Variants in GALNT10 observed in about 807,000 individuals in gnomAD.
The protein encoded by GALNT10 is polypeptide N-acetylgalactosaminyltransferase 10.
A neutral mutation model predicts 75.0 loss-of-function variants in GALNT10; 41 were observed. The observed-to-expected ratio is 0.55, with a 90% CI of 0.43 to 0.71. The LOEUF is 0.71. GALNT10 is among the 30% of genes least tolerant of loss of function. The pLI, the probability that GALNT10 is intolerant of heterozygous loss-of-function variation, is 0.00. For synonymous variants in GALNT10, 302 were observed against 313.0 expected, an observed-to-expected ratio of 0.96 and a Z score of 0.37; for missense variants, 727 against 818.5, an observed-to-expected ratio of 0.89 and a Z score of 1.36.
At chr5:154,285,066 G>A (rs1452286802) in intron 1 of GALNT10, among the ~76,000 whole-genome samples, 1 of 152,160 alleles carries the variant, frequency 6.6e-6, no homozygotes, top group African/African-American at 2.4e-5. Flanking sequence ...TCCAGTGTGG[G>A]CAGTTTTAAA....
rs1277169217 is a variant in GALNT10 at position 154,376,480 on chromosome 5, A to G, written c.754+18A>G. On this transcript the variant is annotated intron_variant, in intron 5 of 11. Coordinates refer to ENST00000297107, the MANE Select transcript of GALNT10 (RefSeq NM_198321.4). This position sits in a 1 kb window ranked among gnomAD's most constrained non-coding sequence, Gnocchi z 4.1. ...CTTGCTTGGTAAGGGAGCCCCTCCC[A>G]CTTGGAGGGAGGCAAACTGCAATGA... is the stretch of plus-strand genomic sequence containing the variant. The G allele has an allele frequency of 6.5e-7, 1 of 1,548,162 alleles. No individual in the cohort carries two copies. Among genetic ancestry groups the G allele is most frequent in the Non-Finnish European group, 8.7e-7 (1 of 1,150,652 alleles).
intron 4 of GALNT10, among the ~76,000 whole-genome samples, chr5:154,370,069 C>T (rs990258534): frequency 5.9e-5 from 9 of 152,234 alleles, no homozygotes; most frequent in South Asian, 4.1e-4. Context: ...GATTCCTGAA[C>T]GAAGCAAACT....
chr5:154,252,191 A>G (rs973710140), intron 1 of GALNT10, among the ~76,000 whole-genome samples: 1 of 152,076 alleles, frequency 6.6e-6, no homozygotes, highest in African/African-American at 2.4e-5. Context: ...CATTGTTTCT[A>G]TAGTTGTCCT....
intron 1 of GALNT10, among the ~76,000 whole-genome samples, chr5:154,280,590 T>C (rs1754025614): frequency 1.3e-5 from 2 of 152,228 alleles, no homozygotes; most frequent in Non-Finnish European, 1.5e-5. Flanking sequence ...TTTGCAAATA[T>C]ATTCTCCCAG....
chr5:154,413,056 A>C (rs773999227), intron 10 of GALNT10, 51 bp downstream of exon 10: 9 of 1,186,792 alleles, frequency 7.6e-6, no homozygotes, highest in Non-Finnish European at 1.0e-5. Context: ...AAACATCTGC[A>C]GCCTGGGGTG....
chr5:154,295,928 C>G (rs976200917), intron 2 of GALNT10, among the ~76,000 whole-genome samples: 5 of 152,144 alleles, frequency 3.3e-5, no homozygotes, highest in Admixed American at 2.6e-4. Flanking sequence ...TAAAGCCTCC[C>G]ACCACTATTG....
Position 154,419,276 on chromosome 5 carries a change from CTG to C in GALNT10, c.*2307_*2308del, listed in dbSNP as rs1456350981. 6.6e-6 allele frequency: 1 copy of C among 152,178 alleles called. No homozygotes were observed. The highest frequency in any genetic ancestry group is 2.4e-5 in the African/African-American group (1 of 41,428). The allele number at this position is 152,178 out of a possible 1,614,324, so 9.4% of individuals were successfully genotyped here. A position where few individuals can be genotyped will look rare whatever the true frequency, so the allele number is the denominator to read the frequency against. On this transcript the variant is annotated 3_prime_UTR_variant, in exon 12 of 12. Transcript: ENST00000297107. The stretch of plus-strand genomic sequence containing the variant: ...CTAAAGGCTGGGCAGTGCGTTTAGT[CTG>C]TGGCCTAGAAGACCTCATCAGCCCC...
chr5:154,353,564 CTT>C (rs1454919768), intron 4 of GALNT10, among the ~76,000 whole-genome samples: 1 of 152,244 alleles, frequency 6.6e-6, no homozygotes, highest in Non-Finnish European at 1.5e-5. Flanking sequence ...CTGTCTGTGT[CTT>C]TCTCTGCCGA....
chr5:154,194,998 A>G (rs1008249034), intron 1 of GALNT10, among the ~76,000 whole-genome samples: 2 of 152,226 alleles, frequency 1.3e-5, no homozygotes, highest in Admixed American at 6.5e-5. Context: ...ACTTAAGGGT[A>G]TGTTCATATT....
chr5:154,362,708 C>T (rs1755412019), intron 4 of GALNT10, among the ~76,000 whole-genome samples: 1 of 152,136 alleles, frequency 6.6e-6, no homozygotes, highest in Non-Finnish European at 1.5e-5. Context: ...ATATTTGAGT[C>T]TTTTTTATGG....
intron 1 of GALNT10, among the ~76,000 whole-genome samples, chr5:154,284,605 T>G (rs1754086601): frequency 6.6e-6 from 1 of 152,230 alleles, no homozygotes; most frequent in South Asian, 2.1e-4. Context: ...GTCAAGCCTC[T>G]AAGAAGAGCA....
At chr5:154,295,076 T>G (rs1754254210) in intron 2 of GALNT10, among the ~76,000 whole-genome samples, 158 bp downstream of exon 2, 1 of 151,998 alleles carries the variant, frequency 6.6e-6, no homozygotes, top group Non-Finnish European at 1.5e-5. Context: ...CCACCATCCC[T>G]TCCCCTGATT....
chr5:154,267,630 G>A (rs1581947159), intron 1 of GALNT10, among the ~76,000 whole-genome samples: 1 of 152,246 alleles, frequency 6.6e-6, no homozygotes, highest in East Asian at 1.9e-4. Context: ...AGCCTGGCAG[G>A]ATGTCTCATT....
Position 154,409,504 on chromosome 5 carries a change from G to T in GALNT10, c.1165-37G>T. 7.1e-7 allele frequency: 1 copy of T among 1,401,326 alleles called. No individual in the cohort carries two copies. The highest frequency in any genetic ancestry group is 1.0e-6 in the Non-Finnish European group (1 of 985,502). The allele number at this position is 1,401,326 out of a possible 1,614,324, so 86.8% of individuals were successfully genotyped here. On this transcript the variant is annotated intron_variant, in intron 8 of 11. Coordinates refer to ENST00000297107, the MANE Select transcript of GALNT10 (RefSeq NM_198321.4). The surrounding 1 kb of genome is among the most constrained non-coding windows in gnomAD (Gnocchi z 4.5). ...CCCCACTGCCTGGCTTTGGCTTCTTGGAAAGACTGACCCCTCCATTGCTTC... is the reference window on the plus strand; with the variant it reads ...CCCCACTGCCTGGCTTTGGCTTCTTTGAAAGACTGACCCCTCCATTGCTTC...
At chr5:154,203,170 T>C (rs1414571381) in intron 1 of GALNT10, among the ~76,000 whole-genome samples, 1 of 152,210 alleles carries the variant, frequency 6.6e-6, no homozygotes, top group Non-Finnish European at 1.5e-5. Flanking sequence ...TCTTTCACTT[T>C]GGGTGTATGA....
intron 1 of GALNT10, among the ~76,000 whole-genome samples, chr5:154,269,070 C>T (rs1345545115): frequency 6.6e-6 from 1 of 151,436 alleles, no homozygotes; most frequent in African/African-American, 2.4e-5. Context: ...ACTGCAATCT[C>T]CACTTCCCGG....
rs971749381 is a variant in GALNT10 at position 154,380,575 on chromosome 5, C to T, written c.882C>T (p.Tyr294=). 3.1e-6 allele frequency: 5 copies of T among 1,613,946 alleles called. No individual in the cohort carries two copies. The highest frequency in any genetic ancestry group is 4.2e-6 in the Non-Finnish European group (5 of 1,179,838). Residue 294 remains tyrosine, a synonymous_variant, in exon 6 of 12, where the codon TAC becomes TAT. Coordinates refer to ENST00000297107, the MANE Select transcript of GALNT10 (RefSeq NM_198321.4). ...GAGCCTTTGACTGGGAGATGTACTA[C>T]AAGCGGATCCCGATCCCTCCAGAAC... ...MRGAFDWEMY[Y]KRIPIPPELQ...
chr5:154,227,546 A>G lies in GALNT10; in HGVS notation c.159+36521A>G, dbSNP rs10079912. Among the ~76,000 whole-genome samples, 584 of 152,222 alleles carry G rather than the reference A, an allele frequency of 3.8e-3. 8 individuals carry two copies. The highest frequency in any genetic ancestry group is 0.013 in the African/African-American group (554 of 41,520). ...GAATTTTGAGAGTCCTTTATATTCT[A>G]TATACAAGTATTTTATCAGAGATAT... On this transcript the variant is annotated intron_variant, in intron 1 of 11. Transcript: ENST00000297107.
chr5:154,415,108 A>G (rs1264957199), intron 10 of GALNT10, among the ~76,000 whole-genome samples: 1 of 152,168 alleles, frequency 6.6e-6, no homozygotes, highest in Non-Finnish European at 1.5e-5. Context: ...GGACAACAAG[A>G]GTGAAGCTCC....
Sources: gnomAD v4.1 joint callset for allele counts (sites outside exome capture counted in the v4.1 genomes callset) on GRCh38, gnomAD v4.1.1 for gene constraint, Gnocchi (gnomAD v3.1) non-coding constraint, MANE v1.5 for transcripts, NCBI Gene and HGNC (gene_info 2026-07-23, HGNC 2026-07-21) for gene names.